The following RAD23B variants were observed in gnomAD, a reference collection of about 807,000 sequenced individuals.
The protein encoded by RAD23B is RAD23 nucleotide excision repair protein B.
A neutral mutation model predicts 49.1 loss-of-function variants in RAD23B; 5 were observed. The ratio of observed to expected loss-of-function variants is 0.10; its 90% CI spans 0.05 to 0.21. The LOEUF (loss-of-function observed/expected upper bound fraction) is 0.21, where lower values mean the gene tolerates loss of function less well. RAD23B is among the 10% of genes least tolerant of loss of function. The pLI, the probability that RAD23B is intolerant of heterozygous loss-of-function variation, is 1.00. For synonymous variants in RAD23B, 184 were observed against 165.4 expected (o/e 1.11, Z -0.86); for missense variants, 356 against 486.7 (o/e 0.73, Z 2.53).
At position 107,303,393 on chromosome 9, in the gene RAD23B, ACATTTTTTAATTCAT is replaced by A. The variant is rs1826698529; in HGVS notation, c.228+1280_228+1294del. Among the ~76,000 whole-genome samples, 6 of 152,190 alleles carry A rather than the reference ACATTTTTTAATTCAT, an allele frequency of 3.9e-5. No homozygotes were observed. In the South Asian group the frequency reaches 1.2e-3, roughly 31 times the overall value. The stretch of plus-strand genomic sequence containing the variant: ...CAGCTAAATAGTTTACAAGTGTTGA[ACATTTTTTAATTCAT>A]TAAGAACCATGTTGATTTTGCTATA... On this transcript the variant is annotated intron_variant, in intron 3 of 9. Coordinates refer to ENST00000358015, the MANE Select transcript of RAD23B (RefSeq NM_002874.5).
intron 6 of RAD23B, among the ~76,000 whole-genome samples, chr9:107,319,560 A>T (rs1440023209): frequency 6.6e-6 from 1 of 152,192 alleles, no homozygotes; most frequent in Non-Finnish European, 1.5e-5. Flanking sequence ...TAACTGGACA[A>T]CTTTGATCCC....
At chr9:107,314,772 C>T (rs971761998) in intron 5 of RAD23B, among the ~76,000 whole-genome samples, 1 of 152,196 alleles carries the variant, frequency 6.6e-6, no homozygotes, top group African/African-American at 2.4e-5. Context: ...AAAGGATGTA[C>T]TAATGGACAT....
chr9:107,309,494 G>A (rs1294184329), intron 4 of RAD23B, among the ~76,000 whole-genome samples: 2 of 152,174 alleles, frequency 1.3e-5, no homozygotes, highest in Non-Finnish European at 2.9e-5. Flanking sequence ...AGAAAAGAAG[G>A]CAAGCGTTGA....
At chr9:107,322,651 C>G (rs1161890117) in intron 7 of RAD23B, among the ~76,000 whole-genome samples, 2 of 152,200 alleles carry the variant, frequency 1.3e-5, no homozygotes, top group African/African-American at 4.8e-5. Flanking sequence ...AAGCCTGGAA[C>G]CTGCGGTCAG....
At chr9:107,308,376 G>A (rs1463568507) in intron 4 of RAD23B, among the ~76,000 whole-genome samples, 2 of 151,982 alleles carry the variant, frequency 1.3e-5, no homozygotes, top group African/African-American at 4.8e-5. Context: ...ATGGCACCAT[G>A]CCCAGCTTAT....
chr9:107,284,162 T>C (rs78802357), intron 1 of RAD23B: 6 of 987,026 alleles, frequency 6.1e-6, no homozygotes, highest in African/African-American at 1.7e-5. Flanking sequence ...AAAAAAAAAG[T>C]ATCAGGTTCC....
chr9:107,301,887 G>A (rs1826661652), intron 2 of RAD23B, 148 bp from the exon 3 acceptor site: 1 of 1,139,358 alleles, frequency 8.8e-7, no homozygotes, highest in Non-Finnish European at 1.2e-6. Flanking sequence ...GTTTTTCTTT[G>A]GGAAAAGTAT....
In RAD23B at chr9:107,283,464, G is replaced by C; in HGVS notation, c.-166G>C. 2.1e-6 allele frequency: 1 copy of C among 486,464 alleles called. No homozygotes were observed. The highest frequency in any genetic ancestry group is 3.5e-6 in the Non-Finnish European group (1 of 287,514). The allele number at this position is 486,464 out of a possible 1,614,324, so 30.1% of individuals were successfully genotyped here. On this transcript the variant is annotated 5_prime_UTR_variant, in exon 1 of 10. Transcript: ENST00000358015. ...GCGGCGCGGTCCGGGGCACGGGCTGGGGGAGAGGCCGCTCCGCTGGGCGAA... is the reference window on the plus strand; with the variant it reads ...GCGGCGCGGTCCGGGGCACGGGCTGCGGGAGAGGCCGCTCCGCTGGGCGAA...
At chr9:107,295,634 G>T (rs900247748) in intron 1 of RAD23B, among the ~76,000 whole-genome samples, 2 of 152,192 alleles carry the variant, frequency 1.3e-5, no homozygotes, top group African/African-American at 4.8e-5. Flanking sequence ...GCAGATTTGA[G>T]ATATTCTTTT....
rs147008194 is a variant in RAD23B at position 107,310,966 on chromosome 9, A to G, written c.498-716A>G. Among the ~76,000 whole-genome samples, 316 of 152,330 alleles carry G rather than the reference A, an allele frequency of 2.1e-3. 2 individuals carry two copies. Among genetic ancestry groups the G allele is most frequent in the African/African-American group, 7.3e-3 (304 of 41,578 alleles). ...AATTGAGATACAGGTCTAAGTGTGT[A>G]TGTGTGTCTGCTTTAATTTAAACTT... On this transcript the variant is annotated intron_variant, in intron 4 of 9. Transcript: ENST00000358015.
intron 1 of RAD23B, among the ~76,000 whole-genome samples, chr9:107,287,666 C>A (rs1329486202): frequency 6.6e-6 from 1 of 151,968 alleles, no homozygotes; most frequent in Non-Finnish European, 1.5e-5. Context: ...GAAACCTGGT[C>A]TCTACTAAAA....
rs11396857 is a variant in RAD23B, at chr9:107,287,834, C to CAAAA, written c.66+4152_66+4155dup. 6.7e-5 allele frequency among the ~76,000 whole-genome samples: 8 copies of CAAAA among 119,224 alleles called. 1 individual carries two copies. The highest frequency in any genetic ancestry group is 1.8e-4 in the Admixed American group (2 of 10,960). The allele number at this position is 119,224 out of a possible 152,430, so 78.2% of individuals were successfully genotyped here. Reference sequence around the variant, plus strand: ...GGGTAACAAGAGCGAAACTCCATCTCAAAAAAAAAAAAAAAACAAAAAAAC... The same window carrying CAAAA: ...GGGTAACAAGAGCGAAACTCCATCTCAAAAAAAAAAAAAAAAAAAACAAAAAAAC... On this transcript the variant is annotated intron_variant, in intron 1 of 9. Transcript: ENST00000358015.
At chr9:107,291,192 TTAGG>T (rs1833377544) in intron 1 of RAD23B, among the ~76,000 whole-genome samples, 1 of 152,214 alleles carries the variant, frequency 6.6e-6, no homozygotes, top group Non-Finnish European at 1.5e-5. Context: ...TCTGGTTGAA[TTAGG>T]TAGGCACCTT....
At chr9:107,313,168 C>G (rs532211726) in intron 5 of RAD23B, among the ~76,000 whole-genome samples, 4 of 152,180 alleles carry the variant, frequency 2.6e-5, no homozygotes, top group Admixed American at 2.6e-4. Flanking sequence ...CAGGCTCTTC[C>G]TTCTCAAGCT....
At chr9:107,300,115 A>G (rs1009904465) in intron 1 of RAD23B, 26 bp from the exon 2 acceptor site, 1 of 1,585,456 alleles carries the variant, frequency 6.3e-7, no homozygotes, top group African/African-American at 1.4e-5. Flanking sequence ...GACTTTTTCC[A>G]AAACAAATCT....
At chr9:107,321,193 G>A (rs73668775) in intron 6 of RAD23B, among the ~76,000 whole-genome samples, 8,359 of 151,920 alleles carry the variant, frequency 0.055, 703 homozygotes, top group African/African-American at 0.19. Flanking sequence ...CTTTTATATC[G>A]ATTTTATGAA....
At chr9:107,302,875 C>G (rs1826686711) in intron 3 of RAD23B, among the ~76,000 whole-genome samples, 1 of 151,982 alleles carries the variant, frequency 6.6e-6, no homozygotes, top group Admixed American at 6.5e-5. Flanking sequence ...CCAGGATGGT[C>G]TCGATTTCCT....
At chr9:107,287,478 G>A (rs923418700) in intron 1 of RAD23B, among the ~76,000 whole-genome samples, 1 of 152,162 alleles carries the variant, frequency 6.6e-6, no homozygotes, top group Admixed American at 6.5e-5. Flanking sequence ...GAATTGCAAA[G>A]ACATCAGTTT....
intron 5 of RAD23B, among the ~76,000 whole-genome samples, chr9:107,313,621 A>T (rs116728479): frequency 6.6e-6 from 1 of 152,234 alleles, no homozygotes; most frequent in Non-Finnish European, 1.5e-5. Flanking sequence ...GGAATGACCA[A>T]TACCATCCAT....
Sources: gnomAD v4.1 joint callset for allele counts (sites outside exome capture counted in the v4.1 genomes callset) on GRCh38, gnomAD v4.1.1 for gene constraint, MANE v1.5 for transcripts, NCBI Gene and HGNC (gene_info 2026-07-23, HGNC 2026-07-21) for gene names.